The following ADGRL3 variants were observed in gnomAD, a reference collection of about 807,000 sequenced individuals.
The protein encoded by ADGRL3 is calcium-independent alpha-latrotoxin receptor 3.
A neutral mutation model predicts 153.5 loss-of-function variants in ADGRL3; 62 were observed. That is an observed-to-expected ratio of 0.40 (90% CI 0.33 to 0.50). The LOEUF is 0.50. Among genes scored for constraint, ADGRL3 ranks in the 20% least tolerant of loss-of-function variants. The pLI, the probability that ADGRL3 is intolerant of heterozygous loss-of-function variation, is 0.47. For missense variants in ADGRL3, 1,641 were observed against 1,859.4 expected (o/e 0.88, Z 2.16); for synonymous variants, 710 against 672.5 (o/e 1.06, Z -0.86).
intron 3 of ADGRL3, among the ~76,000 whole-genome samples, chr4:61,509,566 A>C (rs1240062654): frequency 1.3e-5 from 2 of 151,846 alleles, no homozygotes; most frequent in East Asian, 3.9e-4. Context: ...GCTGGAAAGG[A>C]CCTGATTTCA....
At chr4:61,453,229 G>A (rs1393317026) in intron 2 of ADGRL3, among the ~76,000 whole-genome samples, 1 of 152,028 alleles carries the variant, frequency 6.6e-6, no homozygotes. Context: ...TTAAGAATTG[G>A]TAACATGTGA....
chr4:61,212,689 AC>A (rs1740666826), intron 1 of ADGRL3, among the ~76,000 whole-genome samples: 2 of 152,190 alleles, frequency 1.3e-5, no homozygotes, highest in Admixed American at 6.5e-5. Context: ...GAAAGTACCA[AC>A]TCAATATAAG....
At chr4:61,777,680 C>T (rs2097168779) in intron 8 of ADGRL3, among the ~76,000 whole-genome samples, 1 of 152,098 alleles carries the variant, frequency 6.6e-6, no homozygotes, top group Non-Finnish European at 1.5e-5. Flanking sequence ...TTAGGACACA[C>T]AAATTCCCGG....
chr4:61,674,452 A>T (rs1203028669), intron 5 of ADGRL3, among the ~76,000 whole-genome samples: 4 of 151,736 alleles, frequency 2.6e-5, no homozygotes, highest in Non-Finnish European at 5.9e-5. Flanking sequence ...TACATTTTTT[A>T]AAATTAGAGC....
intron 1 of ADGRL3, among the ~76,000 whole-genome samples, chr4:61,217,627 G>A (rs1743418672): frequency 1.3e-5 from 2 of 152,114 alleles, no homozygotes; most frequent in African/African-American, 2.4e-5. Context: ...GACCATAAAC[G>A]GTGGTCAGGC....
At chr4:61,260,900 A>T (rs1465781062) in intron 1 of ADGRL3, among the ~76,000 whole-genome samples, 2 of 151,726 alleles carry the variant, frequency 1.3e-5, no homozygotes, top group Non-Finnish European at 1.5e-5. Flanking sequence ...TAATTTTTGT[A>T]TTTTTTGTAG....
chr4:61,423,432 A>G (rs2097234553), intron 2 of ADGRL3, among the ~76,000 whole-genome samples: 4 of 152,246 alleles, frequency 2.6e-5, no homozygotes, highest in Admixed American at 2.6e-4. Flanking sequence ...ACAAGATGGG[A>G]AAGTGTATAG....
intron 3 of ADGRL3, among the ~76,000 whole-genome samples, chr4:61,498,289 A>G (rs1420562120): frequency 2.6e-5 from 4 of 152,164 alleles, no homozygotes; most frequent in Non-Finnish European, 5.9e-5. Flanking sequence ...CATGGTTCAC[A>G]CCTGTAACCC....
intron 1 of ADGRL3, among the ~76,000 whole-genome samples, chr4:61,380,283 CTG>C (rs1220113573): frequency 1.3e-5 from 2 of 151,974 alleles, no homozygotes; most frequent in African/African-American, 4.8e-5. Context: ...GAGGTTAGCT[CTG>C]TGAGTGCTAT....
At chr4:61,691,262 T>C (rs902421935) in intron 6 of ADGRL3, among the ~76,000 whole-genome samples, 3 of 152,192 alleles carry the variant, frequency 2.0e-5, no homozygotes, top group Admixed American at 1.3e-4. Flanking sequence ...GTTTCTAAAA[T>C]GTTGAAATAC....
At chr4:61,424,525 T>C (rs552940873) in intron 2 of ADGRL3, among the ~76,000 whole-genome samples, 3 of 152,148 alleles carry the variant, frequency 2.0e-5, no homozygotes, top group African/African-American at 7.2e-5. Flanking sequence ...ACCATCTCTG[T>C]GGGGGGTCAT....
intron 5 of ADGRL3, among the ~76,000 whole-genome samples, chr4:61,670,061 C>T (rs987433279): frequency 6.6e-6 from 1 of 152,196 alleles, no homozygotes; most frequent in East Asian, 1.9e-4. Context: ...TCTGGGAGGC[C>T]GAGGCAGGTG....
chr4:61,683,113 TA>T (rs1187573554), intron 6 of ADGRL3, among the ~76,000 whole-genome samples: 1 of 63,192 alleles, frequency 1.6e-5, no homozygotes, highest in Non-Finnish European at 4.2e-5. Context: ...TCAAGAGCTG[TA>T]TTTTTTTTTT....
At chr4:61,476,430 G>A (rs936505015) in intron 2 of ADGRL3, among the ~76,000 whole-genome samples, 16 of 151,894 alleles carry the variant, frequency 1.1e-4, no homozygotes, top group East Asian at 2.0e-4. Flanking sequence ...TTTTGGCCAG[G>A]CGCTGTGGCT....
intron 2 of ADGRL3, among the ~76,000 whole-genome samples, chr4:61,414,572 T>C (rs1232457189): frequency 6.6e-6 from 1 of 152,120 alleles, no homozygotes; most frequent in Non-Finnish European, 1.5e-5. Context: ...TTACGCTTGG[T>C]ATTTTGCTTA....
chr4:61,739,798 G>A (rs781616501), intron 8 of ADGRL3, among the ~76,000 whole-genome samples: 2 of 152,068 alleles, frequency 1.3e-5, no homozygotes, highest in African/African-American at 4.8e-5. Flanking sequence ...GCAGTTTAGC[G>A]TGTGATAAAC....
intron 8 of ADGRL3, among the ~76,000 whole-genome samples, chr4:61,778,437 C>T (rs960486958): frequency 6.6e-6 from 1 of 152,114 alleles, no homozygotes; most frequent in Non-Finnish European, 1.5e-5. Context: ...AAAAGAAAAC[C>T]GTTAAGTGTA....
chr4:61,563,006 G>T (rs1032450611), intron 4 of ADGRL3, among the ~76,000 whole-genome samples: 10 of 150,446 alleles, frequency 6.6e-5, no homozygotes, highest in Non-Finnish European at 1.3e-4. Flanking sequence ...CAGAAGACTT[G>T]CAATCTACTT....
At chr4:62,043,742 C>T (rs972285362) in intron 24 of ADGRL3, among the ~76,000 whole-genome samples, 3 of 151,884 alleles carry the variant, frequency 2.0e-5, no homozygotes, top group Non-Finnish European at 4.4e-5. Flanking sequence ...AGAAAAAAAT[C>T]CCCCAATGGA....
Sources: allele counts gnomAD v4.1 joint callset (sites outside exome capture counted in the v4.1 genomes callset), GRCh38; gene constraint gnomAD v4.1.1; transcripts MANE v1.5; gene names NCBI Gene and HGNC (gene_info 2026-07-23, HGNC 2026-07-21).